The following TLK2 variants were observed in gnomAD, a reference collection of about 807,000 sequenced individuals.
TLK2 encodes the protein serine/threonine-protein kinase tousled-like 2.
Under a neutral mutation model 117.3 loss-of-function variants are expected in TLK2, and 6 were observed. That is an observed-to-expected ratio of 0.05 (90% CI 0.03 to 0.10). TLK2 has a LOEUF of 0.10. TLK2 is among the 10% of genes least tolerant of loss of function. The pLI is 1.00. For missense variants in TLK2, 299 were observed against 901.2 expected, an observed-to-expected ratio of 0.33 and a Z score of 8.56; for synonymous variants, 257 against 316.7, an observed-to-expected ratio of 0.81 and a Z score of 2.00.
chr17:62,607,982 T>C (rs1598912811), intron 20 of TLK2, 59 bp from the exon 21 acceptor site: 1 of 1,423,788 alleles, frequency 7.0e-7, no homozygotes, highest in East Asian at 2.3e-5. Context: ...GGGTATTGAA[T>C]TGTTTTCTCT....
At chr17:62,488,441 T>C (rs1162021586) in intron 2 of TLK2, among the ~76,000 whole-genome samples, 1 of 152,230 alleles carries the variant, frequency 6.6e-6, no homozygotes, top group Non-Finnish European at 1.5e-5. Flanking sequence ...AATGTTTGTA[T>C]GTCTTACATT....
At position 62,596,570 on chromosome 17, in the gene TLK2, C is replaced by T; in HGVS notation, c.1461-15C>T. On this transcript the variant is annotated splice_polypyrimidine_tract_variant and intron_variant, in intron 16 of 21. Coordinates refer to ENST00000346027, the MANE Select transcript of TLK2 (RefSeq NM_006852.6). ...GCCAATATACCTTCTTGTTAATTTT[C>T]CCTTTTGTTTACAGGCATGCATGTA... is the stretch of plus-strand genomic sequence containing the variant. 2 of 1,606,418 alleles carry T rather than the reference C, an allele frequency of 1.2e-6. No individual in the cohort carries two copies. Among genetic ancestry groups the T allele is most frequent in the South Asian group, 1.1e-5 (1 of 90,858 alleles).
chr17:62,490,497 A>G (rs1291128522), intron 2 of TLK2, among the ~76,000 whole-genome samples: 2 of 151,944 alleles, frequency 1.3e-5, no homozygotes, highest in Admixed American at 6.6e-5. Context: ...TTCTCTCTCT[A>G]TACTCCCAGG....
chr17:62,483,538 T>C (rs1386979065), intron 2 of TLK2, among the ~76,000 whole-genome samples: 1 of 152,260 alleles, frequency 6.6e-6, no homozygotes, highest in African/African-American at 2.4e-5. Flanking sequence ...GGTCTCACTC[T>C]CTAGCCTAGG....
intron 2 of TLK2, among the ~76,000 whole-genome samples, chr17:62,519,056 T>C (rs1331077854): frequency 1.3e-5 from 2 of 152,212 alleles, no homozygotes; most frequent in East Asian, 3.9e-4. Context: ...GCTAATTTTT[T>C]GTATTTTTGG....
chr17:62,608,845 T>C (rs2083508353), intron 21 of TLK2, among the ~76,000 whole-genome samples: 1 of 81,474 alleles, frequency 1.2e-5, no homozygotes, highest in Admixed American at 1.1e-4. Context: ...GGTGAGGGCA[T>C]AAAAAACTCG....
chr17:62,487,810 G>A (rs12603907), intron 2 of TLK2, among the ~76,000 whole-genome samples: 141,599 of 151,550 alleles, frequency 0.93, 66,900 homozygotes, highest in East Asian at 1. Flanking sequence ...TTTATTAGAG[G>A]TGGGGTTTCT....
chr17:62,607,012 C>CATT (rs10695214), intron 20 of TLK2, among the ~76,000 whole-genome samples: 3 of 123,556 alleles, frequency 2.4e-5, no homozygotes, highest in African/African-American at 8.9e-5. Context: ...TCTCCTTGGT[C>CATT]TTTTTTTTTT....
intron 6 of TLK2, among the ~76,000 whole-genome samples, chr17:62,535,128 T>C (rs537031464): frequency 6.6e-6 from 1 of 152,096 alleles, no homozygotes; most frequent in Non-Finnish European, 1.5e-5. Context: ...CTTCAAGTGA[T>C]CCGCCTGCCT....
intron 7 of TLK2, among the ~76,000 whole-genome samples, chr17:62,539,840 A>G (rs903601650): frequency 1.2e-4 from 19 of 152,048 alleles, no homozygotes; most frequent in Non-Finnish European, 2.2e-4. Flanking sequence ...ACTAAAATTT[A>G]ACTCCTATGT....
At chr17:62,590,606 C>T (rs1402704029) in intron 16 of TLK2, among the ~76,000 whole-genome samples, 1 of 152,114 alleles carries the variant, frequency 6.6e-6, no homozygotes, top group East Asian at 1.9e-4. Context: ...AGCGATTAAC[C>T]CTCTTAATCA....
chr17:62,475,636 C>T (rs1567747204), upstream of TLK2, among the ~76,000 whole-genome samples: 2 of 151,980 alleles, frequency 1.3e-5, no homozygotes, highest in South Asian at 2.1e-4. Flanking sequence ...TGAGCCACCG[C>T]GCCAGGCCCA....
In TLK2 at chr17:62,518,987, C is replaced by T. The variant is rs569396903; in HGVS notation, c.82-1786C>T. Among the ~76,000 whole-genome samples the T allele has an allele frequency of 2.2e-3, 339 of 152,296 alleles. 4 individuals carry two copies. The highest frequency in any genetic ancestry group is 2.2e-4 in the Non-Finnish European group (15 of 68,036). ...GCAACCTCTACTTCTCGGGCTCAAG[C>T]GATCTGCCCACCTCAGCCTCCAAGT... On this transcript the variant is annotated intron_variant, in intron 2 of 21. Transcript: ENST00000346027.
rs144772334 is a variant in TLK2, at chr17:62,536,069, A to G, written c.364-101A>G. 5.6e-4 allele frequency: 763 copies of G among 1,363,720 alleles called. 4 individuals carry two copies. In the African/African-American group the frequency reaches 0.01, roughly 18 times the overall value. 84.5% of individuals were successfully genotyped at this position (1,363,720 alleles called of 1,614,324 possible). A position where few individuals can be genotyped will look rare whatever the true frequency, so the allele number is the denominator to read the frequency against. ...TTAGAGAGGCCTTTTTAAATAAACCATTCATCTTATATTTGATAACTGTTT... is the reference window on the plus strand; with the variant it reads ...TTAGAGAGGCCTTTTTAAATAAACCGTTCATCTTATATTTGATAACTGTTT... On this transcript the variant is annotated intron_variant, in intron 6 of 21. Coordinates refer to ENST00000346027, the MANE Select transcript of TLK2 (RefSeq NM_006852.6).
At chr17:62,558,902 C>G (rs1598580736) in intron 9 of TLK2, among the ~76,000 whole-genome samples, 1 of 152,196 alleles carries the variant, frequency 6.6e-6, no homozygotes, top group Non-Finnish European at 1.5e-5. Context: ...CGTGTGATAT[C>G]TTCTGTTTGT....
At chr17:62,554,309 T>C (rs2078688079) in intron 9 of TLK2, among the ~76,000 whole-genome samples, 1 of 152,186 alleles carries the variant, frequency 6.6e-6, no homozygotes, top group African/African-American at 2.4e-5. Flanking sequence ...ACATGGTGGT[T>C]CACACCTGTA....
intron 6 of TLK2, among the ~76,000 whole-genome samples, chr17:62,534,735 T>C (rs2076990396): frequency 6.6e-6 from 1 of 152,048 alleles, no homozygotes; most frequent in African/African-American, 2.4e-5. Flanking sequence ...AAAACTTTCA[T>C]AATAACGTTT....
At chr17:62,567,384 G>A (rs1392174266) in intron 11 of TLK2, among the ~76,000 whole-genome samples, 1 of 152,192 alleles carries the variant, frequency 6.6e-6, no homozygotes, top group East Asian at 1.9e-4. Flanking sequence ...AGAGCCACCA[G>A]ATCAGAGGAA....
At chr17:62,600,179 T>G (rs1476398449) in intron 17 of TLK2, 1 of 152,752 alleles carries the variant, frequency 6.5e-6, no homozygotes, top group Non-Finnish European at 1.5e-5. Context: ...GCAGTGCGAA[T>G]TGTGTACCTA....
Sources: gnomAD v4.1 joint callset for allele counts (sites outside exome capture counted in the v4.1 genomes callset) on GRCh38, gnomAD v4.1.1 for gene constraint, MANE v1.5 for transcripts, NCBI Gene and HGNC (gene_info 2026-07-23, HGNC 2026-07-21) for gene names.